Variants in MYO5A observed in about 807,000 individuals in gnomAD.
MYO5A encodes myosin VA, also known as unconventional myosin-Va.
Under a neutral mutation model 249.7 loss-of-function variants are expected in MYO5A, and 98 were observed. That is an observed-to-expected ratio of 0.39 (90% CI 0.33 to 0.46). The LOEUF is 0.46. Ranked by LOEUF, MYO5A falls within the 20% of genes least tolerant of loss-of-function variation. The pLI is 0.98. For synonymous variants in MYO5A, 778 were observed against 810.6 expected, an observed-to-expected ratio of 0.96 and a Z score of 0.68; for missense variants, 1,696 against 2,308.8, an observed-to-expected ratio of 0.73 and a Z score of 5.44.
At chr15:52,396,753 C>T (rs1267830144) in intron 10 of MYO5A, among the ~76,000 whole-genome samples, 1 of 151,836 alleles carries the variant, frequency 6.6e-6, no homozygotes, top group Non-Finnish European at 1.5e-5. Context: ...CGGTGTTACA[C>T]ACATATAGGA....
Position 52,438,093 on chromosome 15 carries a change from A to G in MYO5A, c.28-4808T>C, listed in dbSNP as rs1365132545. 7 of 981,746 alleles carry G rather than the reference A, an allele frequency of 7.1e-6. No individual in the cohort carries two copies. In the African/African-American group the frequency reaches 8.7e-5, roughly 12 times the overall value. The allele number at this position is 981,746 out of a possible 1,614,324, so 60.8% of individuals were successfully genotyped here. A position where few individuals can be genotyped will look rare whatever the true frequency, so the allele number is the denominator to read the frequency against. On this transcript the variant is annotated intron_variant, in intron 1 of 41. Coordinates refer to ENST00000399233, the MANE Select transcript of MYO5A (RefSeq NM_001382347.1). ...GATCAGTGACTCTGCAGAAACAACT[A>G]TGCCAGAAGGGGGTCAGTTTGAGGA...
At chr15:52,363,951 C>T (rs747031913) in intron 24 of MYO5A, among the ~76,000 whole-genome samples, 12 of 152,210 alleles carry the variant, frequency 7.9e-5, no homozygotes, top group Middle Eastern at 3.4e-3. Context: ...AAAACAAAGT[C>T]CAACTGGCCG....
Position 52,321,349 on chromosome 15 carries a change from C to G in MYO5A, c.4951+10G>C. The G allele has an allele frequency of 6.2e-7, 1 of 1,614,136 alleles. No individual in the cohort carries two copies. The highest frequency in any genetic ancestry group is 2.2e-5 in the East Asian group (1 of 44,864). On this transcript the variant is annotated intron_variant, in intron 38 of 41. Transcript: ENST00000399233. ...GCAGGCTGCAATGCCCAGTGGGGCC[C>G]TGGCCTTACCAATCATTGGCTGAAG...
chr15:52,488,006 T>C (rs2076859904), intron 1 of MYO5A, among the ~76,000 whole-genome samples: 1 of 152,116 alleles, frequency 6.6e-6, no homozygotes, highest in Admixed American at 6.5e-5. Context: ...CCTCTGATTA[T>C]CTCTCATTTC....
intron 5 of MYO5A, among the ~76,000 whole-genome samples, chr15:52,412,299 G>T (rs1001038489): frequency 6.6e-6 from 1 of 152,158 alleles, no homozygotes; most frequent in Non-Finnish European, 1.5e-5. Context: ...CAGACTGGGC[G>T]TCAGAGTGGC....
chr15:52,367,943 G>T (rs1340143663), intron 22 of MYO5A, among the ~76,000 whole-genome samples: 2 of 150,020 alleles, frequency 1.3e-5, no homozygotes, highest in Non-Finnish European at 3.0e-5. Context: ...CTAGTTCTTT[G>T]CTGGATAAGG....
chr15:52,375,773 AT>A (rs1341712357), intron 19 of MYO5A, among the ~76,000 whole-genome samples: 1 of 152,208 alleles, frequency 6.6e-6, no homozygotes, highest in African/African-American at 2.4e-5. Flanking sequence ...AACAGGATCC[AT>A]TTACCCCAGG....
rs2037657639 is a variant in MYO5A, at chr15:52,307,435, G to C, written c.*6261C>G. ...TGTTTTGGTTTTTATCTTAGCACTA[G>C]GTGATATCTAGTGAAAACCCATGTT... On this transcript the variant is annotated 3_prime_UTR_variant, in exon 42 of 42. Transcript: ENST00000399233. 6.6e-6 allele frequency: 1 copy of C among 152,070 alleles called. No homozygotes were observed. Among genetic ancestry groups the C allele is most frequent in the Non-Finnish European group, 1.5e-5 (1 of 67,972 alleles). The allele number at this position is 152,070 out of a possible 1,614,324, so 9.4% of individuals were successfully genotyped here.
chr15:52,440,678 G>A (rs1040705660), intron 1 of MYO5A, among the ~76,000 whole-genome samples: 1 of 152,198 alleles, frequency 6.6e-6, no homozygotes, highest in East Asian at 1.9e-4. Context: ...TGTCTGTCAA[G>A]GAACACTGAG....
At chr15:52,354,042 C>G in intron 25 of MYO5A, 28 bp from the exon 26 acceptor site, 1 of 1,613,468 alleles carries the variant, frequency 6.2e-7, no homozygotes, top group Non-Finnish European at 8.5e-7. Context: ...CAAAGATGGT[C>G]AAGACAAGCC....
chr15:52,340,790 T>C (rs1457852396), intron 31 of MYO5A, among the ~76,000 whole-genome samples: 1 of 151,868 alleles, frequency 6.6e-6, no homozygotes, highest in African/African-American at 2.4e-5. Flanking sequence ...CTACTAAAAA[T>C]ACAAAAAATT....
chr15:52,432,927 G>C (rs1158137805), intron 2 of MYO5A, among the ~76,000 whole-genome samples: 1 of 152,164 alleles, frequency 6.6e-6, no homozygotes, highest in Non-Finnish European at 1.5e-5. Context: ...ATCTAAACCT[G>C]ATAATCATAA....
chr15:52,331,496 G>T (rs980060091), intron 34 of MYO5A, among the ~76,000 whole-genome samples: 19 of 152,208 alleles, frequency 1.2e-4, no homozygotes, highest in African/African-American at 4.6e-4. Flanking sequence ...GTGGTTAAGA[G>T]ATTTGTTTAA....
In MYO5A at chr15:52,389,411, A is replaced by C. The variant is rs1413469243; in HGVS notation, c.1543-48T>G. 2.6e-6 allele frequency: 4 copies of C among 1,566,356 alleles called. No homozygotes were observed. In the Admixed American group the frequency reaches 5.1e-5, roughly 20 times the overall value. Reference sequence around the variant, plus strand: ...GAAAGAAAACAAGGTAAATACTGTGATTCCTCTAAAGCATCAGCTGTCAAA... The same window carrying C: ...GAAAGAAAACAAGGTAAATACTGTGCTTCCTCTAAAGCATCAGCTGTCAAA... On this transcript the variant is annotated intron_variant, in intron 12 of 41. Coordinates refer to ENST00000399233, the MANE Select transcript of MYO5A (RefSeq NM_001382347.1).
At chr15:52,464,870 C>A (rs1043058483) in intron 1 of MYO5A, among the ~76,000 whole-genome samples, 7 of 152,274 alleles carry the variant, frequency 4.6e-5, no homozygotes, top group African/African-American at 1.7e-4. Flanking sequence ...TATGATTAGT[C>A]GTTTTCCTAG....
intron 16 of MYO5A, among the ~76,000 whole-genome samples, chr15:52,381,769 C>CTG (rs1206276367): frequency 1.2e-5 from 1 of 80,674 alleles, no homozygotes; most frequent in Admixed American, 1.5e-4. Context: ...TTGTGTCTCT[C>CTG]TCTCTCTCTC....
chr15:52,464,791 T>C (rs2076320792), intron 1 of MYO5A, among the ~76,000 whole-genome samples: 1 of 152,320 alleles, frequency 6.6e-6, no homozygotes, highest in South Asian at 2.1e-4. Context: ...ACCAGATGTT[T>C]CCAACACCCT....
In MYO5A at chr15:52,313,726, G is replaced by A. The variant is rs757458085; in HGVS notation, c.5613C>T (p.Ser1871=). 9.9e-6 allele frequency: 16 copies of A among 1,614,054 alleles called. No individual in the cohort carries two copies. The South Asian group carries it at 1.8e-4, about 18-fold the overall frequency. Reference sequence around the variant, plus strand: ...CCCGTGAAATGAAGCCCAGGCCGAGGCTGGCTGGAATCTGGATGGTTTCTA... The same window carrying A: ...CCCGTGAAATGAAGCCCAGGCCGAGACTGGCTGGAATCTGGATGGTTTCTA... ...LALETIQIPA[S]LGLGFISRV is the part of the protein sequence containing the mutation. Residue 1871 remains serine (S), a synonymous_variant, in exon 42 of 42, where the codon AGC becomes AGT. Coordinates refer to ENST00000399233, the MANE Select transcript of MYO5A (RefSeq NM_001382347.1).
intron 12 of MYO5A, among the ~76,000 whole-genome samples, chr15:52,390,201 TAGAA>T (rs950858617): frequency 6.6e-5 from 10 of 152,086 alleles, no homozygotes; most frequent in Admixed American, 6.6e-4. Flanking sequence ...ACCAAAAAAT[TAGAA>T]TGAATAAGCC....
Sources: allele counts gnomAD v4.1 joint callset (sites outside exome capture counted in the v4.1 genomes callset), GRCh38; gene constraint gnomAD v4.1.1; transcripts MANE v1.5; gene names NCBI Gene and HGNC (gene_info 2026-07-23, HGNC 2026-07-21).